Variants in DGKB observed in about 807,000 individuals in gnomAD.
DGKB encodes diacylglycerol kinase beta.
Under a neutral mutation model 114.3 loss-of-function variants are expected in DGKB, and 67 were observed. The observed-to-expected ratio is 0.59, with a 90% CI of 0.48 to 0.72. The LOEUF (loss-of-function observed/expected upper bound fraction) is 0.72. Among genes scored for constraint, DGKB ranks in the 30% least tolerant of loss-of-function variants. The probability of loss-of-function intolerance (pLI) is 0.00; values close to 1 mark genes in which losing one functional copy is unlikely to be tolerated. For synonymous variants in DGKB, 398 were observed against 323.1 expected, an observed-to-expected ratio of 1.23 and a Z score of -2.49; for missense variants, 907 against 975.2, an observed-to-expected ratio of 0.93 and a Z score of 0.93.
chr7:14,527,706 T>G (rs1396231671), intron 20 of DGKB, among the ~76,000 whole-genome samples: 2 of 152,112 alleles, frequency 1.3e-5, no homozygotes, highest in Non-Finnish European at 2.9e-5. Context: ...ATACTTCCAA[T>G]TTTTTAATGA....
chr7:14,682,740 C>T lies in DGKB; in HGVS notation c.918+13G>A. 1 of 1,610,850 alleles carries T rather than the reference C, an allele frequency of 6.2e-7. No individual in the cohort carries two copies. The highest frequency in any genetic ancestry group is 8.5e-7 in the Non-Finnish European group (1 of 1,177,344). The stretch of plus-strand genomic sequence containing the variant: ...TGGCCACCTTCAGAAAGCAAGCATG[C>T]ACACAAACTTACATCAGTGTTCCTT... On this transcript the variant is annotated intron_variant, in intron 11 of 25. Transcript: ENST00000402815.
intron 21 of DGKB, among the ~76,000 whole-genome samples, chr7:14,457,486 AAGCT>A (rs1404459724): frequency 6.6e-6 from 1 of 152,234 alleles, no homozygotes; most frequent in Non-Finnish European, 1.5e-5. Flanking sequence ...TGCTATATTA[AAGCT>A]ATTATTTCTA....
At chr7:14,701,643 T>C in intron 7 of DGKB, 38 bp downstream of exon 7, 3 of 1,474,440 alleles carry the variant, frequency 2.0e-6, no homozygotes, top group Non-Finnish European at 2.8e-6. Context: ...GAAGAAAATC[T>C]TTGAAGTTTT....
At chr7:14,974,270 C>T (rs140322273) in intron 1 of DGKB, among the ~76,000 whole-genome samples, 20 of 152,080 alleles carry the variant, frequency 1.3e-4, no homozygotes, top group African/African-American at 4.6e-4. Flanking sequence ...TAACACACTG[C>T]GTTTATTTTC....
chr7:14,154,780 A>G (rs1782742276), intron 25 of DGKB, among the ~76,000 whole-genome samples: 1 of 151,916 alleles, frequency 6.6e-6, no homozygotes, highest in Non-Finnish European at 1.5e-5. Context: ...GCATCTAATG[A>G]GAAGATCTGT....
At chr7:14,795,638 T>C (rs1841302107) in intron 2 of DGKB, among the ~76,000 whole-genome samples, 1 of 152,036 alleles carries the variant, frequency 6.6e-6, no homozygotes, top group African/African-American at 2.4e-5. Flanking sequence ...ATTGGAGTAA[T>C]TGGATCCTGG....
At chr7:14,856,382 A>C (rs2128170530) in intron 1 of DGKB, among the ~76,000 whole-genome samples, 1 of 152,282 alleles carries the variant, frequency 6.6e-6, no homozygotes, top group African/African-American at 2.4e-5. Context: ...CCTATATTTT[A>C]TTCCACATTC....
chr7:14,504,507 T>A (rs192815492), intron 20 of DGKB, among the ~76,000 whole-genome samples: 3 of 152,324 alleles, frequency 2.0e-5, no homozygotes, highest in South Asian at 4.1e-4. Context: ...GACTATTTTT[T>A]CCCTATAGCT....
intron 1 of DGKB, among the ~76,000 whole-genome samples, chr7:14,890,119 A>C: frequency 6.6e-6 from 1 of 151,560 alleles, no homozygotes; most frequent in East Asian, 1.9e-4. Context: ...AAGTTATACC[A>C]TTAAAAATCC....
At chr7:14,893,380 G>T (rs567893874) in intron 1 of DGKB, among the ~76,000 whole-genome samples, 1 of 151,272 alleles carries the variant, frequency 6.6e-6, no homozygotes, top group African/African-American at 2.4e-5. Context: ...GAACATTCCA[G>T]GTTTCTGTTG....
At chr7:14,855,087 T>C (rs1468243821) in intron 1 of DGKB, among the ~76,000 whole-genome samples, 1 of 152,130 alleles carries the variant, frequency 6.6e-6, no homozygotes, top group Non-Finnish European at 1.5e-5. Flanking sequence ...AATAAATTAC[T>C]CCTTTTTAAG....
intron 25 of DGKB, among the ~76,000 whole-genome samples, chr7:14,164,927 T>A (rs1193745514): frequency 6.6e-6 from 1 of 152,188 alleles, no homozygotes; most frequent in African/African-American, 2.4e-5. Context: ...ATTCAATATT[T>A]CTTTGTGACT....
chr7:14,420,296 C>T (rs563834648), intron 21 of DGKB, among the ~76,000 whole-genome samples: 50 of 151,788 alleles, frequency 3.3e-4, no homozygotes, highest in African/African-American at 1.1e-3. Context: ...TGATATGGCT[C>T]AAAAATATGT....
At chr7:14,924,798 A>G (rs1360942828) in intron 1 of DGKB, among the ~76,000 whole-genome samples, 3 of 152,126 alleles carry the variant, frequency 2.0e-5, no homozygotes, top group Non-Finnish European at 4.4e-5. Flanking sequence ...ATAATACAGA[A>G]ACACTGAAGT....
intron 25 of DGKB, among the ~76,000 whole-genome samples, chr7:14,157,792 C>T (rs1164177131): frequency 6.6e-6 from 1 of 152,162 alleles, no homozygotes; most frequent in Non-Finnish European, 1.5e-5. Context: ...AAACCAGTAA[C>T]TGTTCATCTT....
chr7:14,515,879 C>G (rs1323811209), intron 20 of DGKB, among the ~76,000 whole-genome samples: 1 of 152,146 alleles, frequency 6.6e-6, no homozygotes, highest in Non-Finnish European at 1.5e-5. Context: ...AGGTCTTGCT[C>G]TGTTGCCTAG....
chr7:14,583,020 C>T (rs1468904404), intron 18 of DGKB, 32 bp downstream of exon 18: 1 of 1,392,688 alleles, frequency 7.2e-7, no homozygotes, highest in Admixed American at 1.7e-5. Context: ...ATTGCTCTCT[C>T]CCCAGCCATA....
At chr7:14,632,571 T>C (rs1313357551) in intron 13 of DGKB, among the ~76,000 whole-genome samples, 6 of 151,868 alleles carry the variant, frequency 4.0e-5, no homozygotes, top group Non-Finnish European at 8.8e-5. Context: ...CATTATATCC[T>C]TTAACGCCTA....
chr7:14,179,832 A>G (rs1308050250), intron 23 of DGKB, among the ~76,000 whole-genome samples: 1 of 152,220 alleles, frequency 6.6e-6, no homozygotes, highest in African/African-American at 2.4e-5. Flanking sequence ...TTTAGCTACA[A>G]AATCAAATGT....
Sources: gnomAD v4.1 joint callset for allele counts (sites outside exome capture counted in the v4.1 genomes callset) on GRCh38, gnomAD v4.1.1 for gene constraint, MANE v1.5 for transcripts, NCBI Gene and HGNC (gene_info 2026-07-23, HGNC 2026-07-21) for gene names.